Variants in SGCD observed in about 807,000 individuals in gnomAD.
The protein encoded by SGCD is delta-sarcoglycan.
In SGCD, 18 loss-of-function variants were observed where a neutral mutation model predicts 36.6. The ratio of observed to expected loss-of-function variants is 0.49; its 90% confidence interval spans 0.34 to 0.73. The LOEUF (loss-of-function observed/expected upper bound fraction) is 0.73, where lower values mean the gene tolerates loss of function less well. SGCD is among the 30% of genes least tolerant of loss of function. The pLI is 0.01. For missense variants in SGCD, 387 were observed against 346.7 expected, an observed-to-expected ratio of 1.12 and a Z score of -0.92; for synonymous variants, 133 against 130.6, an observed-to-expected ratio of 1.02 and a Z score of -0.12.
At chr5:155,823,977 T>C in the SGCD span, among the ~76,000 whole-genome samples, 1 of 152,202 alleles carries the variant, frequency 6.6e-6, no homozygotes. Context: ...ATCATTAGCC[T>C]GTCTTGAGTC....
intron 7 of SGCD, among the ~76,000 whole-genome samples, chr5:156,670,899 T>C (rs1753262341): frequency 6.6e-6 from 1 of 152,156 alleles, no homozygotes; most frequent in Non-Finnish European, 1.5e-5. Flanking sequence ...ATAGCATTCA[T>C]ATACAATCTT....
At chr5:156,362,316 A>G (rs938993394) in intron 3 of SGCD, among the ~76,000 whole-genome samples, 1 of 152,154 alleles carries the variant, frequency 6.6e-6, no homozygotes, top group Non-Finnish European at 1.5e-5. Context: ...CAATATTCCT[A>G]TTTGTCAATA....
chr5:155,912,942 C>T (rs575018362), intron 1 of SGCD, among the ~76,000 whole-genome samples: 1 of 152,244 alleles, frequency 6.6e-6, no homozygotes, highest in South Asian at 2.1e-4. Flanking sequence ...AGAAAGATAA[C>T]TTGCTGCCAA....
At chr5:156,068,468 C>A (rs1358664035) in intron 1 of SGCD, among the ~76,000 whole-genome samples, 1 of 152,082 alleles carries the variant, frequency 6.6e-6, no homozygotes, top group African/African-American at 2.4e-5. Context: ...TTTTTTATGG[C>A]TGCATAGTAT....
the SGCD span, among the ~76,000 whole-genome samples, chr5:155,767,691 G>A: frequency 6.6e-6 from 1 of 152,142 alleles, no homozygotes; most frequent in Non-Finnish European, 1.5e-5. Flanking sequence ...TACTGACAGA[G>A]TATTAAGGCT....
chr5:156,449,329 C>A (rs1753892027), intron 3 of SGCD, among the ~76,000 whole-genome samples: 1 of 152,074 alleles, frequency 6.6e-6, no homozygotes, highest in South Asian at 2.1e-4. Context: ...TTGTTGCACA[C>A]TAGACCATAA....
At position 156,537,999 on chromosome 5, in the gene SGCD, G is replaced by C. The variant is rs979680967; in HGVS notation, c.294+29297G>C. Among the ~76,000 whole-genome samples the C allele has an allele frequency of 5.9e-5, 9 of 152,098 alleles. No individual in the cohort carries two copies. In the East Asian group the frequency reaches 1.7e-3, roughly 29 times the overall value. ...CTTTTCCTTGCAGCCAGATTTCTAT[G>C]GGCCCGTTCTGGTGGTTCGGGTAGA... On this transcript the variant is annotated intron_variant, in intron 4 of 8. Transcript: ENST00000337851.
rs1315358000 is a variant in SGCD, at chr5:156,106,139, A to T, written c.-281-11739A>T. ...AAAAAAAAAAAAAAAAAAAAAAAAAAGAAAGCAGGAGAATAATACTGTGTT... is the reference window on the plus strand; with the variant it reads ...AAAAAAAAAAAAAAAAAAAAAAAAATGAAAGCAGGAGAATAATACTGTGTT... On this transcript the variant is annotated intron_variant, in intron 1 of 9. Coordinates refer to the SGCD transcript ENST00000517913. Among the ~76,000 whole-genome samples the T allele has an allele frequency of 1.1e-4, 15 of 142,438 alleles. No homozygotes were observed. The Admixed American group carries it at 1.1e-3, about 10-fold the overall frequency. 93.4% of individuals were successfully genotyped at this position (142,438 alleles called of 152,430 possible).
intron 1 of SGCD, among the ~76,000 whole-genome samples, chr5:155,899,327 A>C (rs777734734): frequency 1.2e-4 from 19 of 152,236 alleles, no homozygotes; most frequent in Admixed American, 9.2e-4. Context: ...ATGAGAATGC[A>C]TGTAAATAAT....
At chr5:155,898,285 T>G (rs988268143) in intron 1 of SGCD, among the ~76,000 whole-genome samples, 1 of 152,090 alleles carries the variant, frequency 6.6e-6, no homozygotes, top group Admixed American at 6.6e-5. Flanking sequence ...ATGAAAAAAA[T>G]CAAATGGAGT....
At chr5:156,339,732 A>G (rs988672484) in intron 2 of SGCD, among the ~76,000 whole-genome samples, 6 of 152,228 alleles carry the variant, frequency 3.9e-5, no homozygotes, top group African/African-American at 1.4e-4. Context: ...GCTAAAAACA[A>G]TTGGGATAAG....
upstream of SGCD, among the ~76,000 whole-genome samples, chr5:156,322,538 G>A (rs1195985534): frequency 6.6e-6 from 1 of 152,182 alleles, no homozygotes; most frequent in Non-Finnish European, 1.5e-5. Flanking sequence ...ATAAGTGCTA[G>A]TCTATAGGCT....
intron 3 of SGCD, among the ~76,000 whole-genome samples, chr5:156,197,658 A>G (rs922731882): frequency 6.6e-6 from 1 of 152,008 alleles, no homozygotes; most frequent in Non-Finnish European, 1.5e-5. Flanking sequence ...ATTGTGGCTT[A>G]TATTTGTTCT....
At chr5:156,021,454 A>G (rs1319074565) in intron 1 of SGCD, among the ~76,000 whole-genome samples, 2 of 152,140 alleles carry the variant, frequency 1.3e-5, no homozygotes, top group Non-Finnish European at 2.9e-5. Context: ...CAAGAGGTTG[A>G]GGCTGCAGTG....
chr5:156,739,776 C>T (rs1469872611), intron 7 of SGCD: 1 of 152,110 alleles, frequency 6.6e-6, no homozygotes, highest in Non-Finnish European at 1.5e-5. Context: ...GAATCAGAGA[C>T]CTGGGTTTAA....
intron 1 of SGCD, among the ~76,000 whole-genome samples, chr5:156,014,915 A>G (rs1159218433): frequency 1.3e-5 from 2 of 152,176 alleles, no homozygotes; most frequent in Non-Finnish European, 2.9e-5. Flanking sequence ...TTCCAGTCAG[A>G]ATACCATGTA....
intron 1 of SGCD, among the ~76,000 whole-genome samples, chr5:156,112,621 A>C (rs992198872): frequency 3.9e-5 from 6 of 152,156 alleles, no homozygotes; most frequent in African/African-American, 1.4e-4. Context: ...CATCATATGT[A>C]GTCTGTCTCC....
intron 4 of SGCD, among the ~76,000 whole-genome samples, chr5:156,521,992 A>G (rs1203054155): frequency 6.6e-6 from 1 of 152,228 alleles, no homozygotes; most frequent in Non-Finnish European, 1.5e-5. Context: ...TGGCACATAT[A>G]CGCTATGGAA....
At chr5:156,523,689 C>T (rs752151229) in intron 4 of SGCD, among the ~76,000 whole-genome samples, 4 of 151,880 alleles carry the variant, frequency 2.6e-5, no homozygotes, top group African/African-American at 7.3e-5. Context: ...TAGAGTGTTT[C>T]GATATTCTTA....
Sources: allele counts gnomAD v4.1 joint callset (sites outside exome capture counted in the v4.1 genomes callset), GRCh38; gene constraint gnomAD v4.1.1; transcripts MANE v1.5; gene names NCBI Gene and HGNC (gene_info 2026-07-23, HGNC 2026-07-21).